The following TPRG1 variants were observed in gnomAD, a reference collection of about 807,000 sequenced individuals.
The protein encoded by TPRG1 is tumor protein p63-regulated gene 1 protein.
A neutral mutation model predicts 29.3 loss-of-function variants in TPRG1; 29 were observed. The observed-to-expected ratio is 0.99, with a 90% CI of 0.74 to 1.35. TPRG1 has a LOEUF of 1.35. Among genes scored for constraint, TPRG1 ranks in the 40% most tolerant of loss-of-function variants. TPRG1 has a pLI of 0.00. For synonymous variants in TPRG1, 130 were observed against 116.8 expected (o/e 1.11, Z -0.73); for missense variants, 327 against 335.0 (o/e 0.98, Z 0.19).
intron 3 of TPRG1, chr3:189,132,811 T>C (rs960709286): frequency 2.0e-5 from 3 of 152,210 alleles, no homozygotes; most frequent in African/African-American, 7.2e-5. Flanking sequence ...AAAGTTTTAG[T>C]ATGATGGTCT....
chr3:189,302,850 T>G (rs777840519), intron 4 of TPRG1, among the ~76,000 whole-genome samples: 1 of 152,222 alleles, frequency 6.6e-6, no homozygotes, highest in Non-Finnish European at 1.5e-5. Context: ...AATAACAGTA[T>G]GTTCCTAGTT....
chr3:189,294,525 T>G (rs1719549235), intron 4 of TPRG1, among the ~76,000 whole-genome samples: 1 of 152,138 alleles, frequency 6.6e-6, no homozygotes. Context: ...GAGGCTTACC[T>G]GTAAAAAAAT....
At chr3:189,235,217 C>CTT (rs34934049) in intron 3 of TPRG1, among the ~76,000 whole-genome samples, 18,481 of 129,580 alleles carry the variant, frequency 0.14, 2,040 homozygotes, top group African/African-American at 0.29. Context: ...ATGAGGTTTG[C>CTT]TTTTTTTTTT....
At chr3:189,194,198 G>T (rs544546907) in intron 1 of TPRG1, among the ~76,000 whole-genome samples, 3 of 152,076 alleles carry the variant, frequency 2.0e-5, no homozygotes, top group Admixed American at 1.3e-4. Context: ...TCAGTAGTAA[G>T]TGTGGGCACC....
At chr3:189,128,306 C>T (rs1578450336) in intron 2 of TPRG1, among the ~76,000 whole-genome samples, 1 of 151,918 alleles carries the variant, frequency 6.6e-6, no homozygotes, top group Non-Finnish European at 1.5e-5. Context: ...TGTGCAAAGA[C>T]GGCCTGGAGG....
intron 4 of TPRG1, among the ~76,000 whole-genome samples, chr3:189,245,118 C>T (rs1355983340): frequency 6.6e-6 from 1 of 152,092 alleles, no homozygotes; most frequent in Admixed American, 6.5e-5. Context: ...GATGGAGTTT[C>T]TCCATGTTGG....
intron 4 of TPRG1, among the ~76,000 whole-genome samples, chr3:189,070,656 A>T (rs1038113929): frequency 1.3e-5 from 2 of 152,238 alleles, no homozygotes; most frequent in Admixed American, 6.5e-5. Flanking sequence ...AGAGAGAAAG[A>T]GAACAATACG....
Position 189,244,331 on chromosome 3 carries a change from A to G in TPRG1, c.479+5422A>G, listed in dbSNP as rs1024652240. On this transcript the variant is annotated intron_variant, in intron 4 of 5. Coordinates refer to ENST00000345063, the MANE Select transcript of TPRG1 (RefSeq NM_198485.4). Reference sequence around the variant, plus strand: ...TGTAATCCCAGGCTGAGACAGGAGAATTGCTTGAACCTGGGAGGTGGAGAT... The same window carrying G: ...TGTAATCCCAGGCTGAGACAGGAGAGTTGCTTGAACCTGGGAGGTGGAGAT... Among the ~76,000 whole-genome samples, 4 of 152,074 alleles carry G rather than the reference A, an allele frequency of 2.6e-5. 1 individual carries two copies. The highest frequency in any genetic ancestry group is 9.7e-5 in the African/African-American group (4 of 41,408).
intron 4 of TPRG1, among the ~76,000 whole-genome samples, chr3:189,284,879 A>G (rs375185366): frequency 3.3e-5 from 5 of 152,196 alleles, no homozygotes; most frequent in Non-Finnish European, 1.5e-5. Context: ...ATAGGCATGG[A>G]CAAGGACTTC....
chr3:189,023,972 G>A (rs748595004), intron 4 of TPRG1: 8 of 152,332 alleles, frequency 5.3e-5, no homozygotes, highest in Non-Finnish European at 1.2e-4. Context: ...CAGGAGGAAC[G>A]GGATCAGAGA....
At chr3:189,024,300 C>G (rs893369854) in intron 4 of TPRG1, among the ~76,000 whole-genome samples, 2 of 151,566 alleles carry the variant, frequency 1.3e-5, no homozygotes, top group Non-Finnish European at 2.9e-5. Context: ...CAGGCCAGCT[C>G]TGCTGGGGAA....
chr3:189,100,166 G>A (rs1719010977), exon 1 of TPRG1: 1 of 152,400 alleles, frequency 6.6e-6, no homozygotes, highest in South Asian at 2.1e-4. Context: ...CTGGAGCAGT[G>A]AGGAGTGTTT....
chr3:189,097,652 A>G (rs1181875565), upstream of TPRG1, among the ~76,000 whole-genome samples: 4 of 152,204 alleles, frequency 2.6e-5, no homozygotes, highest in Non-Finnish European at 5.9e-5. Context: ...TTTTTCTTTT[A>G]ATAGTTGTTC....
intron 4 of TPRG1, among the ~76,000 whole-genome samples, chr3:189,090,371 T>C (rs1718260446): frequency 6.6e-6 from 1 of 152,124 alleles, no homozygotes; most frequent in Non-Finnish European, 1.5e-5. Context: ...TAATTTTTGC[T>C]TCATAGCAGG....
At chr3:189,148,311 C>T (rs779848909) in intron 4 of TPRG1, among the ~76,000 whole-genome samples, 4 of 152,238 alleles carry the variant, frequency 2.6e-5, no homozygotes, top group Admixed American at 6.5e-5. Flanking sequence ...ACGTATAAAA[C>T]ACAGTTCCTG....
intron 4 of TPRG1, among the ~76,000 whole-genome samples, chr3:189,298,334 G>T (rs1003345116): frequency 6.6e-6 from 1 of 152,150 alleles, no homozygotes; most frequent in Non-Finnish European, 1.5e-5. Context: ...GACTTTGCAG[G>T]GTTCTGTTAA....
chr3:189,203,913 C>T (rs1460055388), intron 1 of TPRG1, among the ~76,000 whole-genome samples: 1 of 151,994 alleles, frequency 6.6e-6, no homozygotes, highest in African/African-American at 2.4e-5. Flanking sequence ...TGGTGGCAAG[C>T]ACCTGTAGTC....
intron 4 of TPRG1, among the ~76,000 whole-genome samples, chr3:189,290,222 T>C (rs1718770588): frequency 6.6e-6 from 1 of 152,226 alleles, no homozygotes; most frequent in African/African-American, 2.4e-5. Context: ...ATTTCACTTA[T>C]ATAAATCATG....
At chr3:189,219,801 G>T in intron 3 of TPRG1, 1 of 1,078,418 alleles carries the variant, frequency 9.3e-7, no homozygotes, top group Non-Finnish European at 1.1e-6. Context: ...GAGAGTAGTT[G>T]CCTAAGGTAT....
Sources: allele counts gnomAD v4.1 joint callset (sites outside exome capture counted in the v4.1 genomes callset), GRCh38; gene constraint gnomAD v4.1.1; transcripts MANE v1.5; gene names NCBI Gene and HGNC (gene_info 2026-07-23, HGNC 2026-07-21).